CELA3A: variants seen among roughly 807,000 people sequenced by gnomAD.
The protein encoded by CELA3A is chymotrypsin-like elastase family member 3A.
A neutral mutation model predicts 38.6 loss-of-function variants in CELA3A; 35 were observed. The ratio of observed to expected loss-of-function variants is 0.91; its 90% CI spans 0.69 to 1.20. The LOEUF (loss-of-function observed/expected upper bound fraction) is 1.20, where lower values mean the gene tolerates loss of function less well. CELA3A is among the 50% of genes most tolerant of loss of function. The pLI is 0.00. For missense variants in CELA3A, 343 were observed against 354.2 expected, an observed-to-expected ratio of 0.97 and a Z score of 0.25; for synonymous variants, 143 against 136.7, an observed-to-expected ratio of 1.05 and a Z score of -0.32.
chr1:22,005,265 T>C lies in CELA3A; in HGVS notation c.130-182T>C, dbSNP rs544592402. Among the ~76,000 whole-genome samples the C allele has an allele frequency of 2.4e-4, 37 of 151,896 alleles. No homozygotes were observed. In the South Asian group the frequency reaches 7.7e-3, roughly 32 times the overall value. ...GAATGTGACCCCCATGGAAAAGTGA[T>C]AGGGCCACCACGGGCAGCTGCCCAG... On this transcript the variant is annotated intron_variant, in intron 2 of 7. Transcript: ENST00000290122.
At chr1:22,005,134 G>A (rs4539104) in intron 2 of CELA3A, among the ~76,000 whole-genome samples, 98,138 of 135,556 alleles carry the variant, frequency 0.72, 30,975 homozygotes, top group African/African-American at 0.8. Context: ...CGAGGGGTGC[G>A]TGATAGAACA....
Position 22,011,759 on chromosome 1 carries a change from TAAAAA to T in CELA3A, c.796-682_796-678del, listed in dbSNP as rs761137136. Among the ~76,000 whole-genome samples, 4 of 106,698 alleles carry T rather than the reference TAAAAA, an allele frequency of 3.7e-5. 2 individuals carry two copies. Among genetic ancestry groups the T allele is most frequent in the African/African-American group, 7.9e-5 (2 of 25,384 alleles). 70.0% of individuals were successfully genotyped at this position (106,698 alleles called of 152,430 possible). A position where few individuals can be genotyped will look rare whatever the true frequency, so the allele number is the denominator to read the frequency against. On this transcript the variant is annotated intron_variant, in intron 7 of 7. Coordinates refer to ENST00000290122, the MANE Select transcript of CELA3A (RefSeq NM_005747.5). ...TCGGTGACAGAGCAAGACTCTGTCTTAAAAAAAAAAAAAGGCCGGGCGTGGTGGCT... is the reference window on the plus strand; with the variant it reads ...TCGGTGACAGAGCAAGACTCTGTCTTAAAAAAAAGGCCGGGCGTGGTGGCT...
chr1:22,010,694 G>A (rs1644978723), intron 7 of CELA3A: 1 of 152,794 alleles, frequency 6.5e-6, no homozygotes, highest in South Asian at 2.0e-4. Flanking sequence ...TACTTGGGAG[G>A]CTGAGGCAGG....
At chr1:22,003,521 T>C (rs1383206415) in intron 2 of CELA3A, among the ~76,000 whole-genome samples, 1 of 150,368 alleles carries the variant, frequency 6.7e-6, no homozygotes, top group East Asian at 2.0e-4. Flanking sequence ...GCTATTTAAA[T>C]TTAATTAAAT....
In CELA3A at chr1:22,002,970, C is replaced by T. The variant is rs375456412; in HGVS notation, c.44-33C>T. On this transcript the variant is annotated intron_variant, in intron 1 of 7. Transcript: ENST00000290122. ...CCTCCTCTTTGCTTTTGGGGACCCT[C>T]CAGCTGATTGACAGCTCTCCTCTCC... 1,205 of 1,568,106 alleles carry T rather than the reference C, an allele frequency of 7.7e-4. 55 individuals carry two copies. Among genetic ancestry groups the T allele is most frequent in the Non-Finnish European group, 9.6e-4 (1,107 of 1,153,934 alleles).
rs574158137 is a variant in CELA3A at position 22,009,182 on chromosome 1, G to A, written c.643-523G>A. On this transcript the variant is annotated intron_variant, in intron 6 of 7. Coordinates refer to ENST00000290122, the MANE Select transcript of CELA3A (RefSeq NM_005747.5). ...AGATCGAGACCATCCTGGCTAACAC[G>A]GTGAAACCCCGTCTCTACGAAAAAT... 1.4e-3 allele frequency among the ~76,000 whole-genome samples: 206 copies of A among 151,274 alleles called. 12 individuals are homozygous for A. Among genetic ancestry groups the A allele is most frequent in the African/African-American group, 4.4e-3 (178 of 40,908 alleles).
intron 7 of CELA3A, 130 bp downstream of exon 7, chr1:22,009,987 G>A: frequency 7.3e-7 from 1 of 1,375,072 alleles, no homozygotes; most frequent in Non-Finnish European, 9.7e-7. Flanking sequence ...GGCCCTTGGG[G>A]ACATTCCAGA....
intron 2 of CELA3A, among the ~76,000 whole-genome samples, chr1:22,004,696 G>C (rs1268480719): frequency 6.6e-6 from 1 of 151,756 alleles, no homozygotes; most frequent in African/African-American, 2.4e-5. Context: ...TGGTCTAGAT[G>C]GAGCTTTTGA....
At chr1:22,008,976 G>A (rs1644967578) in intron 6 of CELA3A, among the ~76,000 whole-genome samples, 1 of 151,728 alleles carries the variant, frequency 6.6e-6, no homozygotes, top group Non-Finnish European at 1.5e-5. Context: ...TGGGCGTGGT[G>A]GCTCACACCT....
intron 4 of CELA3A, 138 bp from the exon 5 acceptor site, chr1:22,006,738 AAT>A: frequency 1.5e-6 from 1 of 657,268 alleles, no homozygotes; most frequent in Non-Finnish European, 2.5e-6. Flanking sequence ...TAATAATAAT[AAT>A]AATGATGATG....
chr1:22,003,938 A>C (rs1644933676), intron 2 of CELA3A, among the ~76,000 whole-genome samples: 1 of 150,780 alleles, frequency 6.6e-6, no homozygotes, highest in African/African-American at 2.5e-5. Context: ...TTCTGACCTC[A>C]GGTGATCCAC....
At position 22,005,753 on chromosome 1, in the gene CELA3A, C is replaced by T. The variant is rs1291812369; in HGVS notation, c.319C>T (p.Leu107=). 3 of 1,612,022 alleles carry T rather than the reference C, an allele frequency of 1.9e-6. No homozygotes were observed. Among genetic ancestry groups the T allele is most frequent in the Non-Finnish European group, 2.5e-6 (3 of 1,179,466 alleles). The change falls in exon 4 of 8, where the codon CTG becomes TTG. Residue 107 remains leucine (L), a synonymous_variant. Coordinates refer to ENST00000290122, the MANE Select transcript of CELA3A (RefSeq NM_005747.5). ...GGTGATCCCCATCAACTCTGAGGAG[C>T]TGTTTGTGCATCCACTCTGGAACCG... The part of the protein sequence containing the change: ...EQVIPINSEE[L]FVHPLWNRSC...
chr1:22,004,812 CA>C (rs1249553359), intron 2 of CELA3A, among the ~76,000 whole-genome samples: 1 of 151,076 alleles, frequency 6.6e-6, no homozygotes, highest in Admixed American at 6.6e-5. Flanking sequence ...TCAAAAGAGT[CA>C]GGGGGGCTGG....
chr1:22,004,965 G>A (rs1009523784), intron 2 of CELA3A, among the ~76,000 whole-genome samples: 6 of 150,680 alleles, frequency 4.0e-5, no homozygotes, highest in African/African-American at 9.8e-5. Context: ...CAGGCACGAC[G>A]GCAGGTGCCT....
At chr1:22,011,146 A>G (rs11583063) in intron 7 of CELA3A, 43,153 of 127,502 alleles carry the variant, frequency 0.34, 3,545 homozygotes, top group African/African-American at 0.43. Context: ...CTGGGAGGCC[A>G]AGGCCCATGG....
rs1351597731 is a variant in CELA3A, at chr1:22,006,965, C to G, written c.450C>G (p.Ile150Met). The change falls in exon 5 of 8, where the codon ATC (isoleucine) becomes ATG (methionine). Residue 150 changes from isoleucine to methionine, a missense_variant. By Grantham distance (10) the Ile-to-Met change is conservative. Transcript: ENST00000290122. Reference sequence around the variant, plus strand: ...CCTCACTCCCTCCCGCTGGTGACATCCTTCCCAACAAGACACCCTGCTACA... The same window carrying G: ...CCTCACTCCCTCCCGCTGGTGACATGCTTCCCAACAAGACACCCTGCTACA... ...QLASLPPAGDILPNKTPCYIT... is the reference protein window; with the variant it reads ...QLASLPPAGDMLPNKTPCYIT... 6.2e-7 allele frequency: 1 copy of G among 1,612,512 alleles called. No individual in the cohort carries two copies. Among genetic ancestry groups the G allele is most frequent in the African/African-American group, 1.3e-5 (1 of 74,346 alleles).
At position 22,007,353 on chromosome 1, in the gene CELA3A, G is replaced by C. The variant is rs74062236; in HGVS notation, c.500-20G>C. Reference sequence around the variant, plus strand: ...CGGTGTGCCCCCAGACCCCTGACTCGGTGCTTTTTATCCTTGCAGCCAATG... The same window carrying C: ...CGGTGTGCCCCCAGACCCCTGACTCCGTGCTTTTTATCCTTGCAGCCAATG... On this transcript the variant is annotated intron_variant, in intron 5 of 7. Coordinates refer to ENST00000290122, the MANE Select transcript of CELA3A (RefSeq NM_005747.5). The C allele has an allele frequency of 6.9e-6, 11 of 1,599,908 alleles. No individual in the cohort carries two copies. In the Admixed American group the frequency reaches 1.9e-4, roughly 27 times the overall value.
chr1:22,005,633 G>T lies in CELA3A; in HGVS notation c.228-29G>T. ...GGAAGGAGGGAGGTGAGCCAGTCAG[G>T]CCCCGACTGACCTCACCTCTGCCTG... On this transcript the variant is annotated intron_variant, in intron 3 of 7. Coordinates refer to ENST00000290122, the MANE Select transcript of CELA3A (RefSeq NM_005747.5). The T allele has an allele frequency of 1.2e-6, 2 of 1,612,188 alleles. 1 individual carries two copies. Among genetic ancestry groups the T allele is most frequent in the East Asian group, 4.5e-5 (2 of 44,708 alleles).
chr1:22,007,786 A>G (rs1644960216), intron 6 of CELA3A, among the ~76,000 whole-genome samples: 1 of 151,352 alleles, frequency 6.6e-6, no homozygotes, highest in Non-Finnish European at 1.5e-5. Flanking sequence ...TCAGCACAGC[A>G]GGAGATACTG....
Sources: allele counts gnomAD v4.1 joint callset (sites outside exome capture counted in the v4.1 genomes callset), GRCh38; gene constraint gnomAD v4.1.1; transcripts MANE v1.5; gene names NCBI Gene and HGNC (gene_info 2026-07-23, HGNC 2026-07-21).